Variants in ZNF407 observed in about 807,000 individuals in gnomAD.
ZNF407 encodes the protein zinc finger protein 407.
In ZNF407, 17 loss-of-function variants were observed where a neutral mutation model predicts 131.2. The observed-to-expected ratio is 0.13, with a 90% CI of 0.09 to 0.19. The LOEUF (loss-of-function observed/expected upper bound fraction) is 0.19, where lower values mean the gene tolerates loss of function less well. Ranked by LOEUF, ZNF407 falls within the 10% of genes least tolerant of loss-of-function variation. ZNF407 has a pLI of 1.00. For missense variants in ZNF407, 2,681 were observed against 2,830.6 expected (o/e 0.95, Z 1.20); for synonymous variants, 1,156 against 1,062.0 (o/e 1.09, Z -1.72).
intron 7 of ZNF407, among the ~76,000 whole-genome samples, chr18:74,910,021 A>G (rs1971647718): frequency 6.6e-6 from 1 of 152,132 alleles, no homozygotes; most frequent in South Asian, 2.1e-4. Flanking sequence ...TTCATGACTT[A>G]CTCTTGGAGA....
At chr18:74,654,069 A>T (rs1985345316) in intron 3 of ZNF407, among the ~76,000 whole-genome samples, 1 of 151,874 alleles carries the variant, frequency 6.6e-6, no homozygotes, top group African/African-American at 2.4e-5. Flanking sequence ...TGACAATCGT[A>T]GGTCTTGATA....
chr18:74,688,345 T>C (rs1185136551), intron 3 of ZNF407, among the ~76,000 whole-genome samples: 5 of 152,220 alleles, frequency 3.3e-5, no homozygotes, highest in African/African-American at 1.2e-4. Context: ...ATAAGATATC[T>C]CTCTGGATGC....
intron 8 of ZNF407, among the ~76,000 whole-genome samples, chr18:74,944,543 C>T (rs1441465232): frequency 6.6e-6 from 1 of 152,014 alleles, no homozygotes; most frequent in African/African-American, 2.4e-5. Context: ...ACAAAAAGCC[C>T]TAAATGTGCA....
intron 8 of ZNF407, among the ~76,000 whole-genome samples, chr18:75,017,766 C>T (rs1166694476): frequency 6.6e-6 from 1 of 152,150 alleles, no homozygotes; most frequent in African/African-American, 2.4e-5. Flanking sequence ...CATTGCTCCT[C>T]CTGCTTCGAC....
rs1967560695 is a variant in ZNF407 at position 74,703,947 on chromosome 18, T to C, written c.4802+62825T>C. 6.7e-6 allele frequency among the ~76,000 whole-genome samples: 1 copy of C among 149,838 alleles called. No individual in the cohort carries two copies. Among genetic ancestry groups the C allele is most frequent in the South Asian group, 2.1e-4 (1 of 4,708 alleles). ...TTTTTGTTGGACCACTGGAAGGATC[T>C]CTTTTTTTTTATTTTTTATTTTTTT... On this transcript the variant is annotated intron_variant, in intron 3 of 8. Transcript: ENST00000299687. This position sits in a 1 kb window ranked among gnomAD's most constrained non-coding sequence, Gnocchi z 4.1.
In ZNF407 at chr18:74,657,901, T is replaced by TTTCTTCTTCTTC. The variant is rs58407278; in HGVS notation, c.4802+16802_4802+16813dup. On this transcript the variant is annotated intron_variant, in intron 3 of 8. Coordinates refer to ENST00000299687, the MANE Select transcript of ZNF407 (RefSeq NM_017757.3). ...TCTTGCTCTCTACTTCTCCTTTTCC[T>TTTCTTCTTCTTC]TTCTTCTTCTTCTTCTTCTTCTTCT... Among the ~76,000 whole-genome samples, 596 of 147,774 alleles carry TTTCTTCTTCTTC rather than the reference T, an allele frequency of 4.0e-3. 4 individuals are homozygous for TTTCTTCTTCTTC. Among genetic ancestry groups the TTTCTTCTTCTTC allele is most frequent in the African/African-American group, 0.013 (513 of 39,454 alleles).
intron 3 of ZNF407, among the ~76,000 whole-genome samples, chr18:74,653,182 C>G (rs979305277): frequency 6.6e-6 from 1 of 151,608 alleles, no homozygotes; most frequent in Non-Finnish European, 1.5e-5. Flanking sequence ...TTGCAGTTCT[C>G]TTGGATATAT....
chr18:74,936,248 G>A (rs1972038629), intron 8 of ZNF407, among the ~76,000 whole-genome samples: 1 of 152,092 alleles, frequency 6.6e-6, no homozygotes, highest in African/African-American at 2.4e-5. Flanking sequence ...ATCAGTTTGG[G>A]TGTGTTTATC....
chr18:74,731,774 G>T (rs2144896649), intron 3 of ZNF407, among the ~76,000 whole-genome samples: 1 of 152,252 alleles, frequency 6.6e-6, no homozygotes, highest in Non-Finnish European at 1.5e-5. Context: ...AAGGATCCCT[G>T]GGGTGGGGAG....
At chr18:74,690,093 G>A (rs1158833294) in intron 3 of ZNF407, among the ~76,000 whole-genome samples, 1 of 151,946 alleles carries the variant, frequency 6.6e-6, no homozygotes, top group Non-Finnish European at 1.5e-5. Context: ...ATGTTATCTT[G>A]GATCAATACC....
At chr18:74,625,907 A>G (rs1452316966) in intron 1 of ZNF407, among the ~76,000 whole-genome samples, 1 of 152,178 alleles carries the variant, frequency 6.6e-6, no homozygotes, top group Non-Finnish European at 1.5e-5. Flanking sequence ...TAGAGACAGA[A>G]AATAAACTAG....
chr18:75,042,258 A>G (rs1175286067), intron 8 of ZNF407, among the ~76,000 whole-genome samples: 2 of 152,128 alleles, frequency 1.3e-5, no homozygotes, highest in Non-Finnish European at 2.9e-5. Flanking sequence ...AAGACAGTTC[A>G]GCCTTATGAT....
At chr18:74,720,061 T>G (rs916161308) in intron 3 of ZNF407, among the ~76,000 whole-genome samples, 7 of 151,784 alleles carry the variant, frequency 4.6e-5, no homozygotes, top group African/African-American at 7.3e-5. Flanking sequence ...GTATTTTTTT[T>G]TTGAAGAAGA....
At chr18:74,860,693 G>A (rs180808591) in intron 4 of ZNF407, among the ~76,000 whole-genome samples, 1 of 151,738 alleles carries the variant, frequency 6.6e-6, no homozygotes, top group South Asian at 2.1e-4. Flanking sequence ...TTTTGTTTTG[G>A]GTATCATAGT....
chr18:75,064,477 G>A lies in ZNF407; in HGVS notation c.*9G>A. ...AACTCCAGGAAGCATGAGACGCGCGGCACCTTTACTCAGCACAGGGCAGGT... is the reference window on the plus strand; with the variant it reads ...AACTCCAGGAAGCATGAGACGCGCGACACCTTTACTCAGCACAGGGCAGGT... On this transcript the variant is annotated 3_prime_UTR_variant, in exon 9 of 9. Transcript: ENST00000299687. 3 of 1,472,058 alleles carry A rather than the reference G, an allele frequency of 2.0e-6. No homozygotes were observed. The highest frequency in any genetic ancestry group is 2.8e-5 in the South Asian group (2 of 72,582). The allele number at this position is 1,472,058 out of a possible 1,614,324, so 91.2% of individuals were successfully genotyped here.
At chr18:74,761,717 T>G (rs917433226) in intron 3 of ZNF407, among the ~76,000 whole-genome samples, 1 of 152,192 alleles carries the variant, frequency 6.6e-6, no homozygotes, top group African/African-American at 2.4e-5. Flanking sequence ...TGCTAGAAAC[T>G]GCTGGGTTCT....
chr18:75,022,502 T>C (rs1363699117), intron 8 of ZNF407, among the ~76,000 whole-genome samples: 2 of 152,168 alleles, frequency 1.3e-5, no homozygotes, highest in Non-Finnish European at 1.5e-5. Context: ...CCTAAGGCAA[T>C]AGCCTAACCT....
At chr18:74,974,297 G>A (rs191839496) in intron 8 of ZNF407, among the ~76,000 whole-genome samples, 7 of 152,162 alleles carry the variant, frequency 4.6e-5, no homozygotes, top group Admixed American at 6.5e-5. Flanking sequence ...TTCAATAAAC[G>A]CATCTTTGTA....
chr18:74,688,424 G>C (rs1168835212), intron 3 of ZNF407, among the ~76,000 whole-genome samples: 1 of 152,206 alleles, frequency 6.6e-6, no homozygotes, highest in African/African-American at 2.4e-5. Context: ...CTTATGACTT[G>C]ACAGTAACTT....
Sources: gnomAD v4.1 joint callset for allele counts (sites outside exome capture counted in the v4.1 genomes callset) on GRCh38, gnomAD v4.1.1 for gene constraint, Gnocchi (gnomAD v3.1) non-coding constraint, MANE v1.5 for transcripts, NCBI Gene and HGNC (gene_info 2026-07-23, HGNC 2026-07-21) for gene names.